Variants in CACNG8 observed in about 807,000 individuals in gnomAD.
The protein encoded by CACNG8 is calcium voltage-gated channel auxiliary subunit gamma 8.
A neutral mutation model predicts 26.9 loss-of-function variants in CACNG8; 5 were observed. That is an observed-to-expected ratio of 0.19 (90% CI 0.10 to 0.39). The LOEUF (loss-of-function observed/expected upper bound fraction) is 0.39, where lower values mean the gene tolerates loss of function less well. Among genes scored for constraint, CACNG8 ranks in the 10% least tolerant of loss-of-function variants. The pLI is 1.00. For missense variants in CACNG8, 473 were observed against 609.4 expected, an observed-to-expected ratio of 0.78 and a Z score of 2.36; for synonymous variants, 321 against 296.7, an observed-to-expected ratio of 1.08 and a Z score of -0.84.
At chr19:53,968,343 C>T (rs916536572) in intron 1 of CACNG8, among the ~76,000 whole-genome samples, 8 of 151,502 alleles carry the variant, frequency 5.3e-5, no homozygotes, top group African/African-American at 1.9e-4. Context: ...CCACTACACT[C>T]CAGTCTGGGC....
rs1318865495 is a variant in CACNG8, at chr19:53,982,145, C to T, written c.574C>T (p.Arg192Trp). 1.2e-6 allele frequency: 2 copies of T among 1,611,646 alleles called. No homozygotes were observed. The highest frequency in any genetic ancestry group is 2.7e-5 in the African/African-American group (2 of 74,850). Residue 192 changes from arginine (R) to tryptophan (W), a missense_variant, in exon 4 of 4, where the codon CGG becomes TGG. Physicochemically the swap from Arg to Trp is moderately radical, Grantham distance 101 (BLOSUM62 -3). Around this residue, in one of 6 missense-constraint regions of CACNG8, gnomAD observed 155 missense variants for 253.0 expected, o/e 0.61. Coordinates refer to ENST00000270458, the MANE Select transcript of CACNG8 (RefSeq NM_031895.6). The surrounding 1 kb of genome is among the most constrained non-coding windows in gnomAD (Gnocchi z 8.4). ...CAACGCGGGCGAGCCGGGCCCGAAG[C>T]GGGACGAGGAGAAGAAAAACCACTA...
Position 53,987,908 on chromosome 19 carries a change from G to T in CACNG8, c.*5059G>T, listed in dbSNP as rs1237823042. 1.3e-5 allele frequency: 2 copies of T among 152,132 alleles called. No homozygotes were observed. The highest frequency in any genetic ancestry group is 2.9e-5 in the Non-Finnish European group (2 of 68,058). 9.4% of individuals were successfully genotyped at this position (152,132 alleles called of 1,614,324 possible). On this transcript the variant is annotated 3_prime_UTR_variant, in exon 4 of 4. Transcript: ENST00000270458. The stretch of plus-strand genomic sequence containing the variant: ...ATTGGGTGACGTGGCCTAGCAGGGG[G>T]GTGGGGACAGAGAAGCGACCCTGGC...
At chr19:53,964,541 C>A (rs1424721802) in intron 1 of CACNG8, among the ~76,000 whole-genome samples, 1 of 152,084 alleles carries the variant, frequency 6.6e-6, no homozygotes, top group African/African-American at 2.4e-5. Flanking sequence ...ATGCCTCAGG[C>A]CTTCACGTTA....
In CACNG8 at chr19:53,982,739, CCGCCCG is replaced by C. The variant is rs941373312; in HGVS notation, c.1179_1184del (p.Ala394_Pro395del). 226 of 1,195,318 alleles carry C rather than the reference CCGCCCG, an allele frequency of 1.9e-4. No homozygotes were observed. The highest frequency in any genetic ancestry group is 6.6e-4 in the African/African-American group (41 of 62,140). 74.0% of individuals were successfully genotyped at this position (1,195,318 alleles called of 1,614,324 possible). A position where few individuals can be genotyped will look rare whatever the true frequency, so the allele number is the denominator to read the frequency against. On this transcript the variant is annotated inframe_deletion, in exon 4 of 4. Transcript: ENST00000270458. This position sits in a 1 kb window ranked among gnomAD's most constrained non-coding sequence, Gnocchi z 8.4. ...GGTCACGGTCACCGGGCCGCCCGCC[CCGCCCG>C]CGCCCGCGCCACCCGCGCCCTCTGC...
Position 53,982,713 on chromosome 19 carries a change from C to T in CACNG8, c.1142C>T (p.Thr381Met), listed in dbSNP as rs1600038878. The T allele has an allele frequency of 1.7e-6, 2 of 1,162,882 alleles. No homozygotes were observed. Among genetic ancestry groups the T allele is most frequent in the African/African-American group, 3.3e-5 (2 of 61,192 alleles). 72.0% of individuals were successfully genotyped at this position (1,162,882 alleles called of 1,614,324 possible). Residue 381 changes from threonine to methionine, a missense_variant, in exon 4 of 4, where the codon ACG becomes ATG. Coordinates refer to ENST00000270458, the MANE Select transcript of CACNG8 (RefSeq NM_031895.6). The surrounding 1 kb of genome is among the most constrained non-coding windows in gnomAD (Gnocchi z 8.4). The stretch of plus-strand genomic sequence containing the variant: ...CCCAAGGAGGCGGGCGGCGGCGTCA[C>T]GGTCACGGTCACCGGGCCGCCCGCC...
rs1046316773 is a variant in CACNG8 at position 53,982,618 on chromosome 19, C to G, written c.1047C>G (p.Gly349=). The G allele has an allele frequency of 1.0e-6, 1 of 984,380 alleles. No individual in the cohort carries two copies. The allele number at this position is 984,380 out of a possible 1,614,324, so 61.0% of individuals were successfully genotyped here. A position where few individuals can be genotyped will look rare whatever the true frequency, so the allele number is the denominator to read the frequency against. Reference sequence around the variant, plus strand: ...GGGGCGCCGGGGGCGGCGGCGGAGGCGGCGGCGGGGCGGGTGCCGAGCGGG... The same window carrying G: ...GGGGCGCCGGGGGCGGCGGCGGAGGGGGCGGCGGGGCGGGTGCCGAGCGGG... The change falls in exon 4 of 4, where the codon GGC becomes GGG. Residue 349 remains glycine, a synonymous_variant. Coordinates refer to ENST00000270458, the MANE Select transcript of CACNG8 (RefSeq NM_031895.6). The surrounding 1 kb of genome is among the most constrained non-coding windows in gnomAD (Gnocchi z 8.4).
intron 1 of CACNG8, among the ~76,000 whole-genome samples, chr19:53,976,103 T>C (rs186936433): frequency 1.3e-5 from 2 of 152,250 alleles, no homozygotes; most frequent in East Asian, 3.9e-4. Flanking sequence ...CCAGCACTTT[T>C]GGAGGCTGAG....
intron 1 of CACNG8, among the ~76,000 whole-genome samples, chr19:53,975,364 G>T (rs2069324865): frequency 6.6e-6 from 1 of 151,582 alleles, no homozygotes; most frequent in African/African-American, 2.4e-5. Flanking sequence ...ATGTGCTTGT[G>T]GACCCATTCA....
chr19:53,964,269 C>CGGTCT (rs2069260268), intron 1 of CACNG8, among the ~76,000 whole-genome samples: 1 of 151,550 alleles, frequency 6.6e-6, no homozygotes, highest in Admixed American at 6.6e-5. Context: ...CCCAGTCTTC[C>CGGTCT]GGTCTGTCTC....
rs2069414919 is a variant in CACNG8, at chr19:53,987,560, CT to C, written c.*4712del. On this transcript the variant is annotated 3_prime_UTR_variant, in exon 4 of 4. Transcript: ENST00000270458. ...GGCATGGGATTTTGGAGGCTAGAGC[CT>C]GCATTGGTGGTGAACTGGATGTCAT... The C allele has an allele frequency of 6.7e-6, 1 of 149,578 alleles. No homozygotes were observed. The highest frequency in any genetic ancestry group is 2.4e-5 in the African/African-American group (1 of 41,218). 9.3% of individuals were successfully genotyped at this position (149,578 alleles called of 1,614,324 possible). A position where few individuals can be genotyped will look rare whatever the true frequency, so the allele number is the denominator to read the frequency against.
chr19:53,981,341 TCAGGG>T (rs949314558), intron 3 of CACNG8, among the ~76,000 whole-genome samples: 2 of 151,726 alleles, frequency 1.3e-5, no homozygotes, highest in African/African-American at 4.8e-5. Flanking sequence ...TTTAGACCAG[TCAGGG>T]CAGGGCCTGG....
At position 53,962,986 on chromosome 19, in the gene CACNG8, C is replaced by A. The variant is rs1015852690; in HGVS notation, c.-157C>A. 2 of 363,586 alleles carry A rather than the reference C, an allele frequency of 5.5e-6. No homozygotes were observed. Among genetic ancestry groups the A allele is most frequent in the Admixed American group, 4.8e-5 (1 of 20,920 alleles). The allele number at this position is 363,586 out of a possible 1,614,324, so 22.5% of individuals were successfully genotyped here. A position where few individuals can be genotyped will look rare whatever the true frequency, so the allele number is the denominator to read the frequency against. The stretch of plus-strand genomic sequence containing the variant: ...CATGGCCGCGCTCTGACCCCCTCCC[C>A]GGCCGCAGCCTCCTCCTCGCCGCCC... On this transcript the variant is annotated 5_prime_UTR_variant, in exon 1 of 4. Coordinates refer to ENST00000270458, the MANE Select transcript of CACNG8 (RefSeq NM_031895.6).
intron 1 of CACNG8, among the ~76,000 whole-genome samples, chr19:53,970,133 G>A (rs1429088044): frequency 2.0e-5 from 3 of 152,126 alleles, no homozygotes; most frequent in Admixed American, 2.0e-4. Flanking sequence ...TGGCTAACAC[G>A]GTGAAACCCC....
At chr19:53,980,435 C>A (rs73602039) in intron 3 of CACNG8, among the ~76,000 whole-genome samples, 1 of 151,568 alleles carries the variant, frequency 6.6e-6, no homozygotes, top group Admixed American at 6.6e-5. Flanking sequence ...GTGATCTGAG[C>A]GCCGATGAGG....
In CACNG8 at chr19:53,982,387, CCGCTCCCGCTCT is replaced by C; in HGVS notation, c.817_828del (p.Arg273_Ser276del). 6.5e-7 allele frequency: 1 copy of C among 1,529,278 alleles called. No individual in the cohort carries two copies. The highest frequency in any genetic ancestry group is 8.7e-7 in the Non-Finnish European group (1 of 1,143,842). The allele number at this position is 1,529,278 out of a possible 1,614,324, so 94.7% of individuals were successfully genotyped here. A position where few individuals can be genotyped will look rare whatever the true frequency, so the allele number is the denominator to read the frequency against. ...CCAGTTACCGCTTCCGCTACCGCCG[CCGCTCCCGCTCT>C]AGCTCCCGCTCCAGCGAGCCGTCGC... On this transcript the variant is annotated inframe_deletion, in exon 4 of 4. Transcript: ENST00000270458. The surrounding 1 kb of genome is among the most constrained non-coding windows in gnomAD (Gnocchi z 8.4).
rs548103172 is a variant in CACNG8 at position 53,976,179 on chromosome 19, C to A, written c.284-1967C>A. 9.8e-5 allele frequency among the ~76,000 whole-genome samples: 15 copies of A among 152,292 alleles called. No individual in the cohort carries two copies. In the South Asian group the frequency reaches 2.9e-3, roughly 29 times the overall value. On this transcript the variant is annotated intron_variant, in intron 1 of 3. Coordinates refer to ENST00000270458, the MANE Select transcript of CACNG8 (RefSeq NM_031895.6). The stretch of plus-strand genomic sequence containing the variant: ...GGGCAAAGTGGGCAACATGGGGAAA[C>A]CCTGTCTATACAGAAAATGCAATAT...
chr19:53,982,808 T>C lies in CACNG8; in HGVS notation c.1237T>C (p.Ser413Pro), dbSNP rs1029513472. 1 of 1,371,242 alleles carries C rather than the reference T, an allele frequency of 7.3e-7. No homozygotes were observed. The highest frequency in any genetic ancestry group is 1.5e-5 in the South Asian group (1 of 68,218). The allele number at this position is 1,371,242 out of a possible 1,614,324, so 84.9% of individuals were successfully genotyped here. Residue 413 changes from serine (S) to proline (P), a missense_variant, in exon 4 of 4, where the codon TCC (serine) becomes CCC (proline). Physicochemically the swap from Ser to Pro is moderately conservative, Grantham distance 74. This residue lies in a region of CACNG8 where 212 missense variants were observed against 214.4 expected (regional missense o/e 0.99). Coordinates refer to ENST00000270458, the MANE Select transcript of CACNG8 (RefSeq NM_031895.6). This position sits in a 1 kb window ranked among gnomAD's most constrained non-coding sequence, Gnocchi z 8.4. Reference sequence around the variant, plus strand: ...GACCCTGGCCAAGGAGGCCGCCGCCTCCAACACCAACACGCTCAACAGGAA... The same window carrying C: ...GACCCTGGCCAAGGAGGCCGCCGCCCCCAACACCAACACGCTCAACAGGAA...
At chr19:53,979,733 A>T in intron 2 of CACNG8, 134 bp from the exon 3 acceptor site, 1 of 901,440 alleles carries the variant, frequency 1.1e-6, no homozygotes, top group Non-Finnish European at 1.6e-6. Flanking sequence ...AAAATAAACC[A>T]GAACACAGCC....
chr19:53,978,340 C>G, intron 2 of CACNG8, 111 bp downstream of exon 2: 4 of 768,978 alleles, frequency 5.2e-6, no homozygotes, highest in Non-Finnish European at 8.8e-6. Flanking sequence ...TGGATCGACA[C>G]GCCGAGGTTA....
Sources: gnomAD v4.1 joint callset for allele counts (sites outside exome capture counted in the v4.1 genomes callset) on GRCh38, gnomAD v4.1.1 for gene constraint, gnomAD v4.1.1 regional missense constraint, Gnocchi (gnomAD v3.1) non-coding constraint, MANE v1.5 for transcripts, NCBI Gene and HGNC (gene_info 2026-07-23, HGNC 2026-07-21) for gene names.